The following GSK3B variants were observed in gnomAD, a reference collection of about 807,000 sequenced individuals.
GSK3B encodes glycogen synthase kinase-3 beta.
A neutral mutation model predicts 56.4 loss-of-function variants in GSK3B; 15 were observed. The ratio of observed to expected loss-of-function variants is 0.27; its 90% CI spans 0.18 to 0.41. The LOEUF is 0.41. Among genes scored for constraint, GSK3B ranks in the 10% least tolerant of loss-of-function variants. GSK3B has a pLI of 1.00. For synonymous variants in GSK3B, 181 were observed against 188.9 expected, an observed-to-expected ratio of 0.96 and a Z score of 0.34; for missense variants, 300 against 513.4, an observed-to-expected ratio of 0.58 and a Z score of 4.02.
At chr3:119,894,199 CT>C (rs1299485248) in intron 7 of GSK3B, among the ~76,000 whole-genome samples, 2 of 151,874 alleles carry the variant, frequency 1.3e-5, no homozygotes, top group Non-Finnish European at 2.9e-5. Flanking sequence ...TTATTTGTTC[CT>C]TTTTTGGCTA....
chr3:120,064,496 CTAAAGAAAAT>C (rs1224088849), intron 1 of GSK3B, among the ~76,000 whole-genome samples: 9 of 152,050 alleles, frequency 5.9e-5, no homozygotes, highest in African/African-American at 2.2e-4. Flanking sequence ...CAAAACATTG[CTAAAGAAAAT>C]TAAAGAAAAC....
chr3:119,855,388 A>G (rs895898439), intron 9 of GSK3B, among the ~76,000 whole-genome samples: 2 of 152,220 alleles, frequency 1.3e-5, no homozygotes, highest in Non-Finnish European at 2.9e-5. Flanking sequence ...GTGGGACTGT[A>G]AACTAGTTCA....
intron 1 of GSK3B, among the ~76,000 whole-genome samples, chr3:120,025,526 T>C (rs1471822817): frequency 6.6e-6 from 1 of 152,198 alleles, no homozygotes; most frequent in African/African-American, 2.4e-5. Flanking sequence ...AGAACAAAGA[T>C]GATCCAATAT....
intron 2 of GSK3B, among the ~76,000 whole-genome samples, chr3:119,953,315 G>A (rs913109755): frequency 6.6e-6 from 1 of 152,072 alleles, no homozygotes; most frequent in Non-Finnish European, 1.5e-5. Context: ...AGAAAACAAA[G>A]AGCAAAATGG....
intron 2 of GSK3B, among the ~76,000 whole-genome samples, chr3:119,960,591 T>C (rs777776945): frequency 1.3e-5 from 2 of 152,214 alleles, no homozygotes; most frequent in Non-Finnish European, 2.9e-5. Context: ...TTTACCCATG[T>C]GGGATTTCTC....
At chr3:119,851,880 G>T (rs1017142758) in intron 9 of GSK3B, among the ~76,000 whole-genome samples, 18 of 152,148 alleles carry the variant, frequency 1.2e-4, no homozygotes, top group African/African-American at 4.3e-4. Context: ...TTACATTTGT[G>T]TATTTTTTTA....
At chr3:119,836,490 A>G (rs182776021) in intron 10 of GSK3B, among the ~76,000 whole-genome samples, 232 of 152,334 alleles carry the variant, frequency 1.5e-3, no homozygotes, top group Middle Eastern at 3.4e-3. Context: ...TCTATAGTCC[A>G]AGAAACAAAT....
chr3:119,889,271 T>G (rs2056474993), intron 7 of GSK3B, among the ~76,000 whole-genome samples: 1 of 152,108 alleles, frequency 6.6e-6, no homozygotes, highest in African/African-American at 2.4e-5. Flanking sequence ...CTTTGTACTC[T>G]TTCTCTTTAT....
chr3:119,931,340 G>A (rs1393415663), intron 3 of GSK3B, among the ~76,000 whole-genome samples: 2 of 152,204 alleles, frequency 1.3e-5, no homozygotes, highest in East Asian at 1.9e-4. Context: ...AATAGGCCGG[G>A]CACAGTGGCT....
intron 2 of GSK3B, among the ~76,000 whole-genome samples, chr3:119,959,359 C>T (rs1263496872): frequency 6.6e-6 from 1 of 152,096 alleles, no homozygotes; most frequent in African/African-American, 2.4e-5. Flanking sequence ...GTCTAATATA[C>T]ATCAACTTGA....
At chr3:120,038,132 T>C (rs1402422820) in intron 1 of GSK3B, among the ~76,000 whole-genome samples, 2 of 152,206 alleles carry the variant, frequency 1.3e-5, no homozygotes, top group South Asian at 2.1e-4. Context: ...ATTCGGAATT[T>C]ATCCCAGAGC....
intron 1 of GSK3B, among the ~76,000 whole-genome samples, chr3:120,085,193 C>A (rs1187416843): frequency 6.6e-6 from 1 of 152,146 alleles, no homozygotes; most frequent in Non-Finnish European, 1.5e-5. Context: ...GCACACCGCA[C>A]TCAATAATTA....
At chr3:120,004,760 C>T (rs1193957765) in intron 1 of GSK3B, among the ~76,000 whole-genome samples, 2 of 152,108 alleles carry the variant, frequency 1.3e-5, no homozygotes, top group African/African-American at 4.8e-5. Context: ...CACCAAAACC[C>T]CATACGTAGG....
intron 8 of GSK3B, chr3:119,866,546 T>C (rs950834833): frequency 9.4e-6 from 12 of 1,281,674 alleles, no homozygotes; most frequent in African/African-American, 7.3e-5. Context: ...CCAAGTTTTA[T>C]AGACCTGCCC....
intron 7 of GSK3B, among the ~76,000 whole-genome samples, chr3:119,880,991 A>G (rs2056372829): frequency 6.6e-6 from 1 of 152,212 alleles, no homozygotes; most frequent in Non-Finnish European, 1.5e-5. Context: ...TTCAAGCTAT[A>G]TACCCTAACA....
intron 3 of GSK3B, among the ~76,000 whole-genome samples, chr3:119,936,072 A>G (rs2056990668): frequency 6.6e-6 from 1 of 151,956 alleles, no homozygotes. Context: ...ATAGAAGAGA[A>G]CTTCCTCAAC....
At chr3:119,909,630 C>T (rs959537039) in intron 6 of GSK3B, among the ~76,000 whole-genome samples, 5 of 148,212 alleles carry the variant, frequency 3.4e-5, no homozygotes, top group South Asian at 2.2e-4. Flanking sequence ...TCTTGGGTGA[C>T]GACTTGAGAA....
At chr3:120,086,677 C>A (rs1018430467) in intron 1 of GSK3B, among the ~76,000 whole-genome samples, 5 of 152,076 alleles carry the variant, frequency 3.3e-5, no homozygotes, top group Admixed American at 3.3e-4. Flanking sequence ...TGCCTATAGT[C>A]CCAGTTACTC....
chr3:119,884,228 C>T (rs2056410274), intron 7 of GSK3B, among the ~76,000 whole-genome samples: 1 of 152,134 alleles, frequency 6.6e-6, no homozygotes, highest in South Asian at 2.1e-4. Context: ...TATCTTATGA[C>T]ACAATGAACC....
Sources: allele counts gnomAD v4.1 joint callset (sites outside exome capture counted in the v4.1 genomes callset), GRCh38; gene constraint gnomAD v4.1.1; transcripts MANE v1.5; gene names NCBI Gene and HGNC (gene_info 2026-07-23, HGNC 2026-07-21).